Variants in ST18 observed in about 807,000 individuals in gnomAD.
ST18 encodes the protein suppression of tumorigenicity 18 protein.
Under a neutral mutation model 110.0 loss-of-function variants are expected in ST18, and 50 were observed. That is an observed-to-expected ratio of 0.45 (90% CI 0.36 to 0.58). The LOEUF is 0.58. Ranked by LOEUF, ST18 falls within the 20% of genes least tolerant of loss-of-function variation. The pLI is 0.00. For missense variants in ST18, 1,306 were observed against 1,280.1 expected, an observed-to-expected ratio of 1.02 and a Z score of -0.31; for synonymous variants, 461 against 452.4, an observed-to-expected ratio of 1.02 and a Z score of -0.24.
chr8:52,322,662 C>T (rs1300440108), intron 2 of ST18, among the ~76,000 whole-genome samples: 1 of 152,200 alleles, frequency 6.6e-6, no homozygotes, highest in Non-Finnish European at 1.5e-5. Flanking sequence ...GAAGCTGTGT[C>T]TTGCTCCTTC....
chr8:52,312,664 G>GA (rs971034658), intron 2 of ST18, among the ~76,000 whole-genome samples: 8 of 151,804 alleles, frequency 5.3e-5, no homozygotes, highest in Admixed American at 2.0e-4. Context: ...ATCCCAATCA[G>GA]AAAAAAAAGA....
intron 3 of ST18, among the ~76,000 whole-genome samples, chr8:52,228,884 T>A (rs937547617): frequency 6.6e-6 from 1 of 152,102 alleles, no homozygotes; most frequent in African/African-American, 2.4e-5. Flanking sequence ...CACTCAGCAA[T>A]GCTTAGGTAA....
intron 2 of ST18, among the ~76,000 whole-genome samples, chr8:52,252,834 T>G (rs1355412474): frequency 6.6e-6 from 1 of 151,896 alleles, no homozygotes; most frequent in Non-Finnish European, 1.5e-5. Flanking sequence ...AAGAGAACAC[T>G]GGTAATCTTG....
intron 8 of ST18, among the ~76,000 whole-genome samples, chr8:52,211,132 G>A (rs899836789): frequency 2.0e-5 from 3 of 152,188 alleles, no homozygotes; most frequent in South Asian, 2.1e-4. Context: ...AAAATGTGTC[G>A]TCTGCATGTG....
chr8:52,333,096 T>C (rs577355305), intron 2 of ST18, among the ~76,000 whole-genome samples: 1 of 152,218 alleles, frequency 6.6e-6, no homozygotes, highest in African/African-American at 2.4e-5. Context: ...CAAGCTGATG[T>C]CCACCTTCTT....
At chr8:52,322,816 C>A (rs1804581676) in intron 2 of ST18, among the ~76,000 whole-genome samples, 1 of 152,200 alleles carries the variant, frequency 6.6e-6, no homozygotes, top group East Asian at 1.9e-4. Flanking sequence ...TAATCCCAGG[C>A]AAAGAAAATA....
At chr8:52,268,438 T>TGTCTATCTATCTATC (rs2094943888) in intron 2 of ST18, among the ~76,000 whole-genome samples, 1 of 151,900 alleles carries the variant, frequency 6.6e-6, no homozygotes, top group Non-Finnish European at 1.5e-5. Context: ...GAAGAGCTTC[T>TGTCTATCTATCTATC]GTCTATCTAT....
intron 2 of ST18, among the ~76,000 whole-genome samples, chr8:52,380,695 T>A (rs1834192808): frequency 6.6e-6 from 1 of 152,136 alleles, no homozygotes; most frequent in African/African-American, 2.4e-5. Context: ...GAAATGCCGA[T>A]GCCTAACATT....
At chr8:52,323,056 C>T (rs767904094) in intron 2 of ST18, among the ~76,000 whole-genome samples, 2 of 152,242 alleles carry the variant, frequency 1.3e-5, no homozygotes, top group Non-Finnish European at 2.9e-5. Flanking sequence ...GACCTAGCTC[C>T]TCGGAGGAGT....
chr8:52,243,029 A>G (rs2093566371), intron 2 of ST18, among the ~76,000 whole-genome samples: 1 of 152,164 alleles, frequency 6.6e-6, no homozygotes, highest in African/African-American at 2.4e-5. Context: ...TTATGCTCAC[A>G]GAGCTAAGAT....
chr8:52,330,005 CAT>C (rs1387949578), intron 2 of ST18, among the ~76,000 whole-genome samples: 1 of 152,100 alleles, frequency 6.6e-6, no homozygotes, highest in Non-Finnish European at 1.5e-5. Flanking sequence ...TGCATGTTTA[CAT>C]GTTTTATAAA....
At chr8:52,152,819 C>T (rs1024860646) in intron 15 of ST18, among the ~76,000 whole-genome samples, 18 of 152,074 alleles carry the variant, frequency 1.2e-4, no homozygotes, top group African/African-American at 3.4e-4. Context: ...CCTAGATGGC[C>T]GCCAACAGAG....
chr8:52,398,294 A>C (rs1381881262), intron 2 of ST18, among the ~76,000 whole-genome samples: 2 of 152,144 alleles, frequency 1.3e-5, no homozygotes, highest in African/African-American at 4.8e-5. Flanking sequence ...TACTGAATTC[A>C]TTTATTAGTT....
At chr8:52,198,973 T>A (rs1450951376) in intron 8 of ST18, among the ~76,000 whole-genome samples, 1 of 152,160 alleles carries the variant, frequency 6.6e-6, no homozygotes, top group Admixed American at 6.5e-5. Context: ...GGAAGTCAGA[T>A]AGGCTTAGCC....
Position 52,317,834 on chromosome 8 carries a change from C to A in ST18, c.-464-87757G>T, listed in dbSNP as rs75137508. ...TAAATAGTTTACCATGTCCGTTTGA[C>A]TTTTCTCATGGTAAAATTTACTTAG... is the stretch of plus-strand genomic sequence containing the variant. On this transcript the variant is annotated intron_variant, in intron 2 of 25. Coordinates refer to ENST00000689386, the MANE Select transcript of ST18 (RefSeq NM_001352837.2). Among the ~76,000 whole-genome samples the A allele has an allele frequency of 6.6e-4, 100 of 152,276 alleles. 1 individual carries two copies. The East Asian group carries it at 0.011, about 17-fold the overall frequency.
At chr8:52,152,264 G>A (rs2059007850) in intron 15 of ST18, among the ~76,000 whole-genome samples, 2 of 152,268 alleles carry the variant, frequency 1.3e-5, no homozygotes, top group East Asian at 1.9e-4. Context: ...GCGATCACAC[G>A]TTTACAGCAT....
chr8:52,140,937 G>T (rs538142833), intron 17 of ST18, among the ~76,000 whole-genome samples: 11 of 152,084 alleles, frequency 7.2e-5, no homozygotes, highest in Non-Finnish European at 1.6e-4. Context: ...CAAACAGCAG[G>T]TCCATGTGGG....
chr8:52,397,859 T>C (rs1168515037), intron 2 of ST18, among the ~76,000 whole-genome samples: 5 of 152,164 alleles, frequency 3.3e-5, no homozygotes. Flanking sequence ...AGCTGTGTAA[T>C]ATAATTTTAA....
chr8:52,260,608 C>T (rs2138635296), intron 2 of ST18, among the ~76,000 whole-genome samples: 1 of 152,282 alleles, frequency 6.6e-6, no homozygotes, highest in Middle Eastern at 3.4e-3. Flanking sequence ...ATTACTAGAG[C>T]TGGAAGCCCA....
Sources: gnomAD v4.1 joint callset for allele counts (sites outside exome capture counted in the v4.1 genomes callset) on GRCh38, gnomAD v4.1.1 for gene constraint, MANE v1.5 for transcripts, NCBI Gene and HGNC (gene_info 2026-07-23, HGNC 2026-07-21) for gene names.